DNAJC15: variants seen among roughly 807,000 people sequenced by gnomAD.
The protein encoded by DNAJC15 is dnaJ homolog subfamily C member 15.
DNAJC15 carries 27 observed loss-of-function variants against 22.4 expected under a neutral mutation model. The observed-to-expected ratio is 1.20, with a 90% CI of 0.89 to 1.66. DNAJC15 has a LOEUF of 1.66. DNAJC15 is among the 40% of genes most tolerant of loss of function. The pLI is 0.00. For synonymous variants in DNAJC15, 79 were observed against 63.2 expected, an observed-to-expected ratio of 1.25 and a Z score of -1.19; for missense variants, 208 against 187.1, an observed-to-expected ratio of 1.11 and a Z score of -0.65.
intron 1 of DNAJC15, among the ~76,000 whole-genome samples, chr13:43,045,452 A>C (rs1439014040): frequency 6.6e-6 from 1 of 152,232 alleles, no homozygotes; most frequent in Admixed American, 6.5e-5. Flanking sequence ...TTACGGGCAC[A>C]CAACACTAAA....
chr13:43,025,057 C>G (rs1693930284), intron 1 of DNAJC15, among the ~76,000 whole-genome samples: 2 of 151,702 alleles, frequency 1.3e-5, no homozygotes, highest in South Asian at 4.2e-4. Flanking sequence ...TAGACCCTGT[C>G]TCCAACAAAG....
chr13:43,088,518 C>T (rs966449694), intron 5 of DNAJC15, among the ~76,000 whole-genome samples: 2 of 152,334 alleles, frequency 1.3e-5, no homozygotes, highest in African/African-American at 4.8e-5. Flanking sequence ...TGCCTGCCTG[C>T]AGTGGGGAGA....
At chr13:43,091,241 C>T (rs887199362) in intron 5 of DNAJC15, among the ~76,000 whole-genome samples, 10 of 152,172 alleles carry the variant, frequency 6.6e-5, no homozygotes, top group East Asian at 3.9e-4. Flanking sequence ...TGTGCCACCA[C>T]GCCTGGCTAA....
At chr13:43,052,713 G>A (rs1234232916) in intron 1 of DNAJC15, among the ~76,000 whole-genome samples, 1 of 152,108 alleles carries the variant, frequency 6.6e-6, no homozygotes, top group African/African-American at 2.4e-5. Context: ...CACTGTGCTC[G>A]GCCATTAGCA....
intron 1 of DNAJC15, among the ~76,000 whole-genome samples, chr13:43,038,624 C>T (rs1311952271): frequency 5.3e-5 from 8 of 151,992 alleles, no homozygotes; most frequent in Non-Finnish European, 1.2e-4. Context: ...AACTCTGTCT[C>T]TACTAAAAAT....
At chr13:43,033,456 C>T (rs546342084) in intron 1 of DNAJC15, among the ~76,000 whole-genome samples, 9 of 152,130 alleles carry the variant, frequency 5.9e-5, no homozygotes, top group Admixed American at 3.9e-4. Flanking sequence ...TATTATTAAC[C>T]CAAGTCATAT....
intron 3 of DNAJC15, among the ~76,000 whole-genome samples, chr13:43,076,904 A>C (rs2040636404): frequency 6.6e-6 from 1 of 152,068 alleles, no homozygotes; most frequent in African/African-American, 2.4e-5. Flanking sequence ...ACCATTTTTC[A>C]TTTCCTCACT....
At chr13:43,071,753 GTT>G (rs1378975776) in intron 3 of DNAJC15, among the ~76,000 whole-genome samples, 1 of 152,128 alleles carries the variant, frequency 6.6e-6, no homozygotes, top group Non-Finnish European at 1.5e-5. Flanking sequence ...CAAGGCTCAA[GTT>G]TCAACGGGGG....
At chr13:43,063,380 C>A (rs1287098894) in intron 1 of DNAJC15, among the ~76,000 whole-genome samples, 1 of 152,198 alleles carries the variant, frequency 6.6e-6, no homozygotes, top group Non-Finnish European at 1.5e-5. Context: ...TGTGCTAAAT[C>A]TTTTACGTGT....
chr13:43,033,031 G>A (rs895661357), intron 1 of DNAJC15, among the ~76,000 whole-genome samples: 1 of 152,114 alleles, frequency 6.6e-6, no homozygotes, highest in Admixed American at 6.5e-5. Flanking sequence ...AGACAGGGAG[G>A]TGCTGCATAC....
intron 5 of DNAJC15, among the ~76,000 whole-genome samples, chr13:43,102,618 A>T (rs931493180): frequency 4.6e-5 from 7 of 152,078 alleles, no homozygotes; most frequent in Admixed American, 4.6e-4. Flanking sequence ...TCAAAAAATA[A>T]ATTAATAAAT....
At chr13:43,080,178 A>T (rs2040655265) in intron 4 of DNAJC15, among the ~76,000 whole-genome samples, 1 of 152,156 alleles carries the variant, frequency 6.6e-6, no homozygotes, top group Admixed American at 6.5e-5. Flanking sequence ...TCACCCAAGT[A>T]CTAAGCCTAG....
intron 1 of DNAJC15, among the ~76,000 whole-genome samples, chr13:43,025,257 A>G (rs1387253797): frequency 2.0e-5 from 3 of 152,224 alleles, no homozygotes; most frequent in African/African-American, 7.2e-5. Flanking sequence ...AGGCAGAAGT[A>G]ATCCTTTTGT....
intron 1 of DNAJC15, among the ~76,000 whole-genome samples, chr13:43,026,934 G>C (rs946164848): frequency 1.3e-5 from 2 of 152,128 alleles, no homozygotes; most frequent in Admixed American, 1.3e-4. Flanking sequence ...CTTTTTCTTA[G>C]GTAAGCTTCT....
At chr13:43,060,773 C>G (rs573569933) in intron 1 of DNAJC15, among the ~76,000 whole-genome samples, 169 of 152,244 alleles carry the variant, frequency 1.1e-3, no homozygotes, top group African/African-American at 4.0e-3. Flanking sequence ...AAAGGCCGGT[C>G]TGTTATTGGA....
intron 1 of DNAJC15, among the ~76,000 whole-genome samples, chr13:43,024,337 G>GTTTT (rs376910976): frequency 0.037 from 3,461 of 93,246 alleles, 324 homozygotes; most frequent in African/African-American, 0.066. Flanking sequence ...GTATTTTTAC[G>GTTTT]TTTTTTTTTT....
intron 3 of DNAJC15, among the ~76,000 whole-genome samples, chr13:43,073,758 T>C (rs2040619545): frequency 6.6e-6 from 1 of 152,166 alleles, no homozygotes; most frequent in Admixed American, 6.5e-5. Context: ...AAGGGTGTTT[T>C]AAAATTTACA....
Position 43,033,543 on chromosome 13 carries a change from T to C in DNAJC15, c.108+9809T>C, listed in dbSNP as rs552209466. Among the ~76,000 whole-genome samples, 4 of 152,352 alleles carry C rather than the reference T, an allele frequency of 2.6e-5. No individual in the cohort carries two copies. The East Asian group carries it at 7.7e-4, about 29-fold the overall frequency. Reference sequence around the variant, plus strand: ...TCCCAACCAGGTACCACATTACATTTAGTTTTCGTGTCTGTTTTGGCTGCT... The same window carrying C: ...TCCCAACCAGGTACCACATTACATTCAGTTTTCGTGTCTGTTTTGGCTGCT... On this transcript the variant is annotated intron_variant, in intron 1 of 5. Coordinates refer to ENST00000379221, the MANE Select transcript of DNAJC15 (RefSeq NM_013238.3).
chr13:43,064,973 A>G (rs1275460559), intron 1 of DNAJC15, among the ~76,000 whole-genome samples: 1 of 87,060 alleles, frequency 1.1e-5, no homozygotes, highest in African/African-American at 6.5e-5. Flanking sequence ...TCATATTGAA[A>G]AAAAAAAAAA....
Sources: gnomAD v4.1 joint callset for allele counts (sites outside exome capture counted in the v4.1 genomes callset) on GRCh38, gnomAD v4.1.1 for gene constraint, MANE v1.5 for transcripts, NCBI Gene and HGNC (gene_info 2026-07-23, HGNC 2026-07-21) for gene names.